Variants in AEBP2 observed in about 807,000 individuals in gnomAD.
AEBP2 encodes AE binding protein 2.
AEBP2 carries 10 observed loss-of-function variants against 50.8 expected under a neutral mutation model. The observed-to-expected ratio is 0.20, with a 90% CI of 0.12 to 0.33. AEBP2 has a LOEUF of 0.33. AEBP2 is among the 10% of genes least tolerant of loss of function. AEBP2 has a pLI of 1.00. For synonymous variants in AEBP2, 296 were observed against 261.3 expected, an observed-to-expected ratio of 1.13 and a Z score of -1.28; for missense variants, 570 against 688.0, an observed-to-expected ratio of 0.83 and a Z score of 1.92.
intron 1 of AEBP2, among the ~76,000 whole-genome samples, chr12:19,425,837 G>T (rs970369097): frequency 6.6e-6 from 1 of 151,298 alleles, no homozygotes; most frequent in African/African-American, 2.4e-5. Flanking sequence ...GTCTGTAATA[G>T]TTGGGAGACT....
chr12:19,409,302 T>A (rs1485882756), intron 1 of AEBP2, among the ~76,000 whole-genome samples: 1 of 151,822 alleles, frequency 6.6e-6, no homozygotes, highest in Non-Finnish European at 1.5e-5. Context: ...TCCCTTTGGG[T>A]CCTAATTAAA....
chr12:19,458,290 G>A (rs902448986), intron 1 of AEBP2, among the ~76,000 whole-genome samples: 3 of 152,210 alleles, frequency 2.0e-5, no homozygotes. Flanking sequence ...GGGCCAAAAG[G>A]GAGCCTAGAG....
chr12:19,430,546 A>G (rs2153365163), intron 1 of AEBP2, among the ~76,000 whole-genome samples: 1 of 152,244 alleles, frequency 6.6e-6, no homozygotes, highest in Non-Finnish European at 1.5e-5. Flanking sequence ...GATGGCATTG[A>G]ATCTATAAAT....
intron 3 of AEBP2, among the ~76,000 whole-genome samples, chr12:19,490,971 T>C (rs185657031): frequency 2.6e-5 from 4 of 152,366 alleles, no homozygotes; most frequent in African/African-American, 7.2e-5. Flanking sequence ...TTTTGTGATG[T>C]GAATTTCACT....
intron 1 of AEBP2, among the ~76,000 whole-genome samples, chr12:19,417,323 A>G (rs1389149860): frequency 6.6e-6 from 1 of 152,198 alleles, no homozygotes; most frequent in African/African-American, 2.4e-5. Context: ...GTAAACACCA[A>G]TAAATACTGT....
intron 1 of AEBP2, among the ~76,000 whole-genome samples, chr12:19,431,351 G>T (rs1020607880): frequency 2.6e-5 from 4 of 152,140 alleles, no homozygotes; most frequent in African/African-American, 9.7e-5. Flanking sequence ...ATTGTGACTT[G>T]TATGTTACAA....
chr12:19,431,343 T>C (rs1011430459), intron 1 of AEBP2, among the ~76,000 whole-genome samples: 1 of 152,228 alleles, frequency 6.6e-6, no homozygotes, highest in African/African-American at 2.4e-5. Flanking sequence ...TAACTGGTAT[T>C]GTGACTTGTA....
At chr12:19,449,981 G>A (rs1386059508) in intron 1 of AEBP2, among the ~76,000 whole-genome samples, 1 of 152,076 alleles carries the variant, frequency 6.6e-6, no homozygotes, top group Admixed American at 6.6e-5. Flanking sequence ...GAATAAGAAG[G>A]GCCTTAGGGA....
At chr12:19,404,930 CTTTTTTTTTTTT>C (rs34351225) in intron 1 of AEBP2, among the ~76,000 whole-genome samples, 1 of 95,716 alleles carries the variant, frequency 1.0e-5, no homozygotes, top group African/African-American at 4.3e-5. Flanking sequence ...CTTGGCTACT[CTTTTTTTTTTTT>C]TTTTTTTTTT....
intron 2 of AEBP2, chr12:19,466,651 G>A (rs1311777740): frequency 2.1e-5 from 5 of 236,318 alleles, no homozygotes; most frequent in Non-Finnish European, 2.8e-5. Flanking sequence ...ATCTCTGTGT[G>A]TTTGACTGTT....
intron 1 of AEBP2, among the ~76,000 whole-genome samples, chr12:19,410,088 G>A (rs1474801205): frequency 6.6e-6 from 1 of 152,170 alleles, no homozygotes; most frequent in South Asian, 2.1e-4. Context: ...AACATGTAGG[G>A]CTTCTCTCTC....
chr12:19,498,617 A>G (rs1055453326), intron 4 of AEBP2, among the ~76,000 whole-genome samples: 4 of 152,164 alleles, frequency 2.6e-5, no homozygotes, highest in African/African-American at 9.7e-5. Context: ...TATTAGTGAA[A>G]TTGAATTTTC....
At chr12:19,447,478 T>A (rs1948092188) in intron 1 of AEBP2, among the ~76,000 whole-genome samples, 1 of 152,166 alleles carries the variant, frequency 6.6e-6, no homozygotes, top group Admixed American at 6.6e-5. Context: ...TCTGAATACG[T>A]TTTCTTGAGG....
chr12:19,512,957 CAACAA>C (rs1949257780), intron 6 of AEBP2, among the ~76,000 whole-genome samples: 1 of 151,982 alleles, frequency 6.6e-6, no homozygotes, highest in Admixed American at 6.6e-5. Context: ...AAAACAAAAA[CAACAA>C]AACAAACAAA....
At position 19,464,121 on chromosome 12, in the gene AEBP2, A is replaced by G. The variant is rs888387271; in HGVS notation, c.879+1404A>G. On this transcript the variant is annotated intron_variant, in intron 2 of 7. Transcript: ENST00000266508. Reference sequence around the variant, plus strand: ...GTCTGAGTAACCAGTAAAATGTTATACTTACCTATGATCTGTTAACTAACT... The same window carrying G: ...GTCTGAGTAACCAGTAAAATGTTATGCTTACCTATGATCTGTTAACTAACT... Among the ~76,000 whole-genome samples the G allele has an allele frequency of 3.9e-5, 6 of 152,192 alleles. 1 individual carries two copies. In the South Asian group the frequency reaches 1.0e-3, roughly 26 times the overall value.
chr12:19,440,917 C>T (rs553173784), intron 1 of AEBP2, among the ~76,000 whole-genome samples: 1 of 152,328 alleles, frequency 6.6e-6, no homozygotes, highest in South Asian at 2.1e-4. Context: ...TCCCAAATCC[C>T]TCATTTGTAG....
intron 1 of AEBP2, among the ~76,000 whole-genome samples, chr12:19,441,978 TC>T (rs529377949): frequency 2.2e-4 from 33 of 152,314 alleles, no homozygotes; most frequent in African/African-American, 7.7e-4. Context: ...TATTTTGACT[TC>T]TGTTTAACAG....
intron 1 of AEBP2, among the ~76,000 whole-genome samples, chr12:19,415,647 A>C (rs995206688): frequency 6.8e-6 from 1 of 146,526 alleles, no homozygotes; most frequent in African/African-American, 2.5e-5. Flanking sequence ...CAGAGATGAG[A>C]GATTAAATCA....
intron 7 of AEBP2, 51 bp downstream of exon 7, chr12:19,514,835 TC>T: frequency 2.8e-6 from 4 of 1,421,596 alleles, no homozygotes; most frequent in Non-Finnish European, 3.9e-6. Context: ...TAATTTTCTC[TC>T]CCCAAATTTT....
Sources: gnomAD v4.1 joint callset for allele counts (sites outside exome capture counted in the v4.1 genomes callset) on GRCh38, gnomAD v4.1.1 for gene constraint, MANE v1.5 for transcripts, NCBI Gene and HGNC (gene_info 2026-07-23, HGNC 2026-07-21) for gene names.